The following RARS2 variants were observed in gnomAD, a reference collection of about 807,000 sequenced individuals.
RARS2 encodes arginyl-tRNA synthetase 2, mitochondrial, also known as probable arginine--tRNA ligase, mitochondrial.
Under a neutral mutation model 88.5 loss-of-function variants are expected in RARS2, and 67 were observed. The ratio of observed to expected loss-of-function variants is 0.76; its 90% CI spans 0.62 to 0.93. The LOEUF is 0.93. RARS2 is among the 40% of genes least tolerant of loss of function. The probability of loss-of-function intolerance (pLI) is 0.00; values close to 1 mark genes in which losing one functional copy is unlikely to be tolerated. For missense variants in RARS2, 664 were observed against 684.2 expected, an observed-to-expected ratio of 0.97 and a Z score of 0.33; for synonymous variants, 239 against 230.3, an observed-to-expected ratio of 1.04 and a Z score of -0.34.
Position 87,518,718 on chromosome 6 carries a change from A to G in RARS2, c.1327T>C (p.Ser443Pro), listed in dbSNP as rs775295739. Residue 443 changes from serine (S) to proline (P), a missense_variant, in exon 16 of 20, where the codon TCT becomes CCT. Ser to Pro is a moderately conservative substitution (Grantham distance 74). Coordinates refer to ENST00000369536, the MANE Select transcript of RARS2 (RefSeq NM_020320.5). ...IIQDFKGLLL[S>P]DYKFSWDRVF... The stretch of plus-strand genomic sequence containing the variant: ...CGATCCCAGCTGAACTTGTAGTCAG[A>G]TAAGAGTAAACCTTTGAAGTCCTAA... 2.5e-5 allele frequency: 41 copies of G among 1,614,006 alleles called. No individual in the cohort carries two copies. Among genetic ancestry groups the G allele is most frequent in the Admixed American group, 1.5e-4 (9 of 60,006 alleles).
At chr6:87,545,237 C>T (rs1782252041) in intron 7 of RARS2, among the ~76,000 whole-genome samples, 1 of 152,124 alleles carries the variant, frequency 6.6e-6, no homozygotes, top group South Asian at 2.1e-4. Flanking sequence ...GGGCATGCCA[C>T]CATGTCTAGC....
Position 87,563,088 on chromosome 6 carries a change from C to T in RARS2, c.214-303G>A, listed in dbSNP as rs1017979954. ...AATCACTCTACCCATATTCTACCTA[C>T]TCTGACATACGATGAACACTTTTTA... On this transcript the variant is annotated intron_variant, in intron 3 of 19. Coordinates refer to ENST00000369536, the MANE Select transcript of RARS2 (RefSeq NM_020320.5). Among the ~76,000 whole-genome samples the T allele has an allele frequency of 2.6e-5, 4 of 152,220 alleles. 1 individual carries two copies. The South Asian group carries it at 8.3e-4, about 31-fold the overall frequency.
intron 1 of RARS2, among the ~76,000 whole-genome samples, chr6:87,579,635 T>C (rs1450167086): frequency 6.7e-6 from 1 of 148,980 alleles, no homozygotes; most frequent in Non-Finnish European, 1.5e-5. Flanking sequence ...TTTATCTTTC[T>C]CTCAAATGGG....
chr6:87,562,432 T>A (rs929299688), intron 4 of RARS2, among the ~76,000 whole-genome samples: 1 of 152,182 alleles, frequency 6.6e-6, no homozygotes, highest in Admixed American at 6.5e-5. Flanking sequence ...CTATACACGT[T>A]GTGTATGAAA....
intron 4 of RARS2, among the ~76,000 whole-genome samples, chr6:87,559,529 G>A (rs1169941180): frequency 6.7e-6 from 1 of 149,636 alleles, no homozygotes; most frequent in African/African-American, 2.5e-5. Context: ...CTGGAGTACA[G>A]CAGTGTGATC....
At chr6:87,571,691 A>C (rs1159425780) in intron 1 of RARS2, among the ~76,000 whole-genome samples, 1 of 152,248 alleles carries the variant, frequency 6.6e-6, no homozygotes, top group Non-Finnish European at 1.5e-5. Context: ...CAGGAGAGCA[A>C]TAAAATTAAA....
At chr6:87,534,987 T>C (rs755221917) in intron 8 of RARS2, among the ~76,000 whole-genome samples, 3 of 152,322 alleles carry the variant, frequency 2.0e-5, no homozygotes, top group Non-Finnish European at 4.4e-5. Context: ...AGAAGAGTCC[T>C]CTAGGACTGT....
chr6:87,514,304 T>G lies in RARS2; in HGVS notation c.*109A>C. The stretch of plus-strand genomic sequence containing the variant: ...CCAGCCTGGGCAACAAGAGCGAAAC[T>G]CCATCTCAAAAAAAAAAAAAAAAAA... On this transcript the variant is annotated 3_prime_UTR_variant, in exon 20 of 20. Coordinates refer to ENST00000369536, the MANE Select transcript of RARS2 (RefSeq NM_020320.5). 1 of 663,368 alleles carries G rather than the reference T, an allele frequency of 1.5e-6. No homozygotes were observed. The allele number at this position is 663,368 out of a possible 1,614,324, so 41.1% of individuals were successfully genotyped here. A position where few individuals can be genotyped will look rare whatever the true frequency, so the allele number is the denominator to read the frequency against.
intron 1 of RARS2, among the ~76,000 whole-genome samples, chr6:87,577,171 A>G (rs1472993061): frequency 6.6e-6 from 1 of 152,192 alleles, no homozygotes; most frequent in East Asian, 1.9e-4. Context: ...CTTTATTTCT[A>G]AAAGAAAGAT....
intron 18 of RARS2, among the ~76,000 whole-genome samples, chr6:87,516,110 C>G (rs1469510577): frequency 6.6e-6 from 1 of 152,094 alleles, no homozygotes; most frequent in Non-Finnish European, 1.5e-5. Context: ...GATTTCAATA[C>G]TTGTTGAGTA....
At chr6:87,579,305 G>A (rs936580204) in intron 1 of RARS2, among the ~76,000 whole-genome samples, 7 of 152,074 alleles carry the variant, frequency 4.6e-5, no homozygotes, top group Admixed American at 1.3e-4. Context: ...TTAGTACAAC[G>A]TGGGCTCTGG....
rs1774305149 is a variant in RARS2, at chr6:87,583,776, T to C, written c.36+6146A>G. ...GCTTTGAGGCAAATAGCTAGGTTAG[T>C]AGTTCAACTCTAGAATTTTATAGCT... is the stretch of plus-strand genomic sequence containing the variant. On this transcript the variant is annotated intron_variant, in intron 1 of 19. Transcript: ENST00000369536. Among the ~76,000 whole-genome samples the C allele has an allele frequency of 2.0e-5, 3 of 152,336 alleles. No individual in the cohort carries two copies. The Middle Eastern group carries it at 0.01, about 518-fold the overall frequency.
rs1771021890 is a variant in RARS2, at chr6:87,514,858, G to A, written c.1650+99C>T. ...GCTAAGGAAGTATACTGCTACAGTT[G>A]AACAACAGAATGCTATTTTAGAAAA... On this transcript the variant is annotated intron_variant, in intron 19 of 19. Coordinates refer to ENST00000369536, the MANE Select transcript of RARS2 (RefSeq NM_020320.5). 6.2e-6 allele frequency: 6 copies of A among 973,312 alleles called. No homozygotes were observed. The East Asian group carries it at 1.5e-4, about 24-fold the overall frequency. The allele number at this position is 973,312 out of a possible 1,614,324, so 60.3% of individuals were successfully genotyped here.
At chr6:87,559,335 C>T (rs1022229049) in intron 4 of RARS2, among the ~76,000 whole-genome samples, 3 of 151,652 alleles carry the variant, frequency 2.0e-5, no homozygotes, top group South Asian at 2.1e-4. Context: ...GGCATGGTGG[C>T]GGGCACCTAT....
chr6:87,558,230 C>T (rs958666790), intron 4 of RARS2, among the ~76,000 whole-genome samples: 9 of 151,998 alleles, frequency 5.9e-5, no homozygotes, highest in Non-Finnish European at 1.3e-4. Flanking sequence ...CTCTCTATTG[C>T]TACAGACTGG....
intron 4 of RARS2, among the ~76,000 whole-genome samples, chr6:87,557,025 T>G (rs1448206344): frequency 6.6e-6 from 1 of 151,744 alleles, no homozygotes; most frequent in Non-Finnish European, 1.5e-5. Flanking sequence ...TTGGTTAAAA[T>G]GGTCTCTAAA....
rs1348046610 is a variant in RARS2 at position 87,518,845 on chromosome 6, C to T, written c.1284G>A (p.Gly428=). The part of the protein sequence containing the change: ...KNPQETAERV[G]LAALIIQDFK... ...AGACCTGAATAATGAGTGCTGCGAG[C>T]CCGACCCTCTCTGCAGTCTCTTGTG... The change falls in exon 15 of 20, where the codon GGG becomes GGA. Residue 428 remains glycine, a synonymous_variant. Coordinates refer to ENST00000369536, the MANE Select transcript of RARS2 (RefSeq NM_020320.5). 4.3e-6 allele frequency: 7 copies of T among 1,613,932 alleles called. No individual in the cohort carries two copies. Among genetic ancestry groups the T allele is most frequent in the African/African-American group, 2.7e-5 (2 of 74,884 alleles).
rs746862871 is a variant in RARS2 at position 87,589,958 on chromosome 6, G to C, written c.-1C>G. The C allele has an allele frequency of 8.1e-6, 13 of 1,614,220 alleles. No individual in the cohort carries two copies. The highest frequency in any genetic ancestry group is 2.2e-5 in the East Asian group (1 of 44,882). ...TAGCGCGGCGAAAGCCGCACGCCAT[G>C]TCCACCTCTACGGAAGTGCGCCGCA... On this transcript the variant is annotated 5_prime_UTR_variant, in exon 1 of 20. Coordinates refer to ENST00000369536, the MANE Select transcript of RARS2 (RefSeq NM_020320.5).
chr6:87,581,388 C>T (rs1307008470), intron 1 of RARS2, among the ~76,000 whole-genome samples: 1 of 152,070 alleles, frequency 6.6e-6, no homozygotes, highest in African/African-American at 2.4e-5. Flanking sequence ...TCTGATTCTC[C>T]AACACTACCA....
Sources: gnomAD v4.1 joint callset for allele counts (sites outside exome capture counted in the v4.1 genomes callset) on GRCh38, gnomAD v4.1.1 for gene constraint, MANE v1.5 for transcripts, NCBI Gene and HGNC (gene_info 2026-07-23, HGNC 2026-07-21) for gene names.